The following RGL4 variants were observed in gnomAD, a reference collection of about 807,000 sequenced individuals.
The protein encoded by RGL4 is ral-GDS-related protein.
In RGL4, 41 loss-of-function variants were observed where a neutral mutation model predicts 49.6. The observed-to-expected ratio is 0.83, with a 90% CI of 0.64 to 1.07. The LOEUF (loss-of-function observed/expected upper bound fraction) is 1.07. Among genes scored for constraint, RGL4 ranks in the 50% least tolerant of loss-of-function variants. The pLI is 0.00. For missense variants in RGL4, 610 were observed against 591.9 expected, an observed-to-expected ratio of 1.03 and a Z score of -0.32; for synonymous variants, 255 against 238.0, an observed-to-expected ratio of 1.07 and a Z score of -0.66.
intron 6 of RGL4, chr22:23,696,297 T>C: frequency 7.8e-7 from 1 of 1,280,668 alleles, no homozygotes; most frequent in African/African-American, 1.5e-5. Flanking sequence ...AGAAAGCAAT[T>C]TGAGGGTGCT....
Position 23,698,319 on chromosome 22 carries a change from C to T in RGL4, c.1368C>T (p.Leu456=). 2 of 1,605,138 alleles carry T rather than the reference C, an allele frequency of 1.2e-6. No homozygotes were observed. The highest frequency in any genetic ancestry group is 1.7e-6 in the Non-Finnish European group (2 of 1,172,488). ...CCTATTTCACAAGAATGGAGCAGCT[C>T]AGTGACAAAGAGAGGTGAGGGCCTA... ...FVTYFTRMEQ[L]SDKESYKLSC... The change falls in exon 10 of 11, where the codon CTC becomes CTT. Residue 456 remains leucine, a synonymous_variant. Coordinates refer to ENST00000290691, the MANE Select transcript of RGL4 (RefSeq NM_153615.2).
intron 4 of RGL4, 137 bp downstream of exon 4, chr22:23,694,111 T>A: frequency 1.2e-6 from 1 of 832,142 alleles, no homozygotes; most frequent in Non-Finnish European, 1.9e-6. Context: ...TGCCAGAGCT[T>A]CACTCACCTT....
chr22:23,692,435 A>G lies in RGL4; in HGVS notation c.280A>G (p.Asn94Asp), dbSNP rs370186333. 4.3e-6 allele frequency: 7 copies of G among 1,614,100 alleles called. No individual in the cohort carries two copies. In the African/African-American group the frequency reaches 9.3e-5, roughly 22 times the overall value. The change falls in exon 2 of 11, where the codon AAC (asparagine) becomes GAC (aspartate). Residue 94 changes from asparagine (N) to aspartate (D), a missense_variant. Physicochemically the swap from Asn to Asp is conservative, Grantham distance 23. Coordinates refer to ENST00000290691, the MANE Select transcript of RGL4 (RefSeq NM_153615.2). ...TTTCCGGATAAAGCTGGCCTTCAGG[A>G]ACCTCTCCTGGCCTGGACTGGGCTT... ...SSFRIKLAFR[N>D]LSWPGLGLED...
intron 6 of RGL4, among the ~76,000 whole-genome samples, chr22:23,696,132 C>T (rs1046529485): frequency 2.0e-5 from 3 of 152,274 alleles, no homozygotes; most frequent in Middle Eastern, 3.4e-3. Context: ...TGAAGGCAGC[C>T]GAGACGGAGC....
intron 5 of RGL4, 181 bp downstream of exon 5, chr22:23,694,631 G>C (rs1923365087): frequency 1.6e-6 from 1 of 611,348 alleles, no homozygotes; most frequent in Admixed American, 2.8e-5. Flanking sequence ...TCCAACTCAG[G>C]ACTAAGGTTT....
At chr22:23,697,989 G>A in intron 9 of RGL4, 128 bp downstream of exon 9, 1 of 1,260,356 alleles carries the variant, frequency 7.9e-7, no homozygotes, top group Non-Finnish European at 1.1e-6. Flanking sequence ...ACACACACAG[G>A]AGGAGGGGAC....
chr22:23,698,301 C>T lies in RGL4; in HGVS notation c.1350C>T (p.Phe450=), dbSNP rs921444916. The part of the protein sequence containing the change: ...LRPLEKFVTY[F]TRMEQLSDKE... ...CTCTTGAGAAATTTGTCACCTATTT[C>T]ACAAGAATGGAGCAGCTCAGTGACA... The change falls in exon 10 of 11, where the codon TTC becomes TTT. Residue 450 remains phenylalanine (F), a synonymous_variant. Coordinates refer to ENST00000290691, the MANE Select transcript of RGL4 (RefSeq NM_153615.2). 5 of 1,610,762 alleles carry T rather than the reference C, an allele frequency of 3.1e-6. No individual in the cohort carries two copies. The South Asian group carries it at 5.5e-5, about 18-fold the overall frequency.
At position 23,694,394 on chromosome 22, in the gene RGL4, T is replaced by C; in HGVS notation, c.960T>C (p.Ser320=). The C allele has an allele frequency of 6.2e-7, 1 of 1,614,096 alleles. No homozygotes were observed. Residue 320 remains serine (S), a synonymous_variant, in exon 5 of 11, where the codon TCT becomes TCC. Transcript: ENST00000290691. ...TCTCCTCGGTGCACGTCATCGTCTCTGCTCTGTGCAGCAACCCAATAGGTC... is the reference window on the plus strand; with the variant it reads ...TCTCCTCGGTGCACGTCATCGTCTCCGCTCTGTGCAGCAACCCAATAGGTC... The part of the protein sequence containing the change: ...NNFSSVHVIV[S]ALCSNPIGQL...
At chr22:23,697,919 C>T in intron 9 of RGL4, 58 bp downstream of exon 9, 6 of 1,568,972 alleles carry the variant, frequency 3.8e-6, no homozygotes, top group Middle Eastern at 1.7e-4. Context: ...TCACAGTCCA[C>T]CCTGGGCAGG....
At chr22:23,698,755 G>T in intron 10 of RGL4, 89 bp from the exon 11 acceptor site, 1 of 1,465,522 alleles carries the variant, frequency 6.8e-7, no homozygotes, top group Non-Finnish European at 9.2e-7. Flanking sequence ...GGGGACCACT[G>T]GGGACCCAGG....
chr22:23,694,714 T>C lies in RGL4; in HGVS notation c.1017-236T>C, dbSNP rs1923370826. The C allele has an allele frequency of 6.7e-6, 4 of 594,254 alleles. No homozygotes were observed. In the Admixed American group the frequency reaches 1.2e-4, roughly 18 times the overall value. 36.8% of individuals were successfully genotyped at this position (594,254 alleles called of 1,614,324 possible). A position where few individuals can be genotyped will look rare whatever the true frequency, so the allele number is the denominator to read the frequency against. ...TTGTACCCAGCAGTGGAACTCTGTG[T>C]CCAGCTGAAAGCTAACTGTAAACAC... On this transcript the variant is annotated intron_variant, in intron 5 of 10. Coordinates refer to ENST00000290691, the MANE Select transcript of RGL4 (RefSeq NM_153615.2).
Position 23,696,117 on chromosome 22 carries a change from T to TGA in RGL4, c.1087-495_1087-494dup, listed in dbSNP as rs1923476267. 2.6e-5 allele frequency among the ~76,000 whole-genome samples: 4 copies of TGA among 152,252 alleles called. No individual in the cohort carries two copies. In the South Asian group the frequency reaches 8.3e-4, roughly 32 times the overall value. On this transcript the variant is annotated intron_variant, in intron 6 of 10. Coordinates refer to ENST00000290691, the MANE Select transcript of RGL4 (RefSeq NM_153615.2). Reference sequence around the variant, plus strand: ...CCTGATGGGTGGTGGTGCTGGGATGTGAGCTGAAGGCAGCCGAGACGGAGC... The same window carrying TGA: ...CCTGATGGGTGGTGGTGCTGGGATGTGAGAGCTGAAGGCAGCCGAGACGGAGC...
At chr22:23,694,774 G>C (rs1251936478) in intron 5 of RGL4, 176 bp from the exon 6 acceptor site, 3 of 634,346 alleles carry the variant, frequency 4.7e-6, no homozygotes, top group Middle Eastern at 2.9e-4. Flanking sequence ...TGGGGCCCAG[G>C]GGAGGAGCAT....
chr22:23,695,198 G>A (rs1923405952), intron 6 of RGL4, 179 bp downstream of exon 6: 1 of 548,334 alleles, frequency 1.8e-6, no homozygotes. Context: ...AGAGTGGTGT[G>A]TCGGTCCATG....
At position 23,691,717 on chromosome 22, in the gene RGL4, C is replaced by G. The variant is rs1238262111; in HGVS notation, c.-314C>G. 2 of 287,666 alleles carry G rather than the reference C, an allele frequency of 7.0e-6. No individual in the cohort carries two copies. The highest frequency in any genetic ancestry group is 4.2e-5 in the African/African-American group (2 of 47,450). The allele number at this position is 287,666 out of a possible 1,614,324, so 17.8% of individuals were successfully genotyped here. A position where few individuals can be genotyped will look rare whatever the true frequency, so the allele number is the denominator to read the frequency against. The stretch of plus-strand genomic sequence containing the variant: ...TTTAGGGTTCTGAAGGGCCTTTTCA[C>G]CCACAAAACATGGGGGAAAATATGT... On this transcript the variant is annotated 5_prime_UTR_variant, in exon 1 of 11. Coordinates refer to ENST00000290691, the MANE Select transcript of RGL4 (RefSeq NM_153615.2).
rs2123856784 is a variant in RGL4, at chr22:23,693,707, G to A, written c.697-52G>A. 4 of 1,422,402 alleles carry A rather than the reference G, an allele frequency of 2.8e-6. No homozygotes were observed. The East Asian group carries it at 9.1e-5, about 32-fold the overall frequency. 88.1% of individuals were successfully genotyped at this position (1,422,402 alleles called of 1,614,324 possible). On this transcript the variant is annotated intron_variant, in intron 3 of 10. Coordinates refer to ENST00000290691, the MANE Select transcript of RGL4 (RefSeq NM_153615.2). Reference sequence around the variant, plus strand: ...TCAGTCCCTGCCTGGGACTGTGGGTGACTCTGAGCTGCAGTGTGCTGTGTC... The same window carrying A: ...TCAGTCCCTGCCTGGGACTGTGGGTAACTCTGAGCTGCAGTGTGCTGTGTC...
At chr22:23,698,540 G>A (rs1324564349) in intron 10 of RGL4, 2 of 728,816 alleles carry the variant, frequency 2.7e-6, no homozygotes. Flanking sequence ...TTCTGCTGTT[G>A]TTGTTCTGGT....
intron 6 of RGL4, among the ~76,000 whole-genome samples, chr22:23,696,146 C>T (rs1054004477): frequency 1.3e-5 from 2 of 152,210 alleles, no homozygotes; most frequent in Non-Finnish European, 2.9e-5. Context: ...ACGGAGCCTC[C>T]AGGAGCAGAA....
intron 5 of RGL4, chr22:23,694,746 G>C (rs1923373223): frequency 1.7e-6 from 1 of 605,754 alleles, no homozygotes; most frequent in Non-Finnish European, 2.9e-6. Flanking sequence ...ACACGCAGTG[G>C]CTCATGTGAA....
Sources: allele counts gnomAD v4.1 joint callset (sites outside exome capture counted in the v4.1 genomes callset), GRCh38; gene constraint gnomAD v4.1.1; transcripts MANE v1.5; gene names NCBI Gene and HGNC (gene_info 2026-07-23, HGNC 2026-07-21).